The following SUGCT variants were observed in gnomAD, a reference collection of about 807,000 sequenced individuals.
SUGCT encodes succinyl-CoA:glutarate CoA-transferase.
Under a neutral mutation model 55.0 loss-of-function variants are expected in SUGCT, and 41 were observed. The observed-to-expected ratio is 0.74, with a 90% CI of 0.58 to 0.97. The LOEUF (loss-of-function observed/expected upper bound fraction) is 0.97, where lower values mean the gene tolerates loss of function less well. Among genes scored for constraint, SUGCT ranks in the 50% least tolerant of loss-of-function variants. SUGCT has a pLI of 0.00. For synonymous variants in SUGCT, 187 were observed against 200.4 expected (o/e 0.93, Z 0.56); for missense variants, 568 against 547.8 (o/e 1.04, Z -0.37).
intron 1 of SUGCT, among the ~76,000 whole-genome samples, chr7:40,135,477 C>A (rs1787631790): frequency 6.6e-6 from 1 of 152,232 alleles, no homozygotes; most frequent in Non-Finnish European, 1.5e-5. Flanking sequence ...AGGACTTTAG[C>A]CCGCTGCTTT....
chr7:40,149,530 C>G (rs1052346461), intron 1 of SUGCT, among the ~76,000 whole-genome samples: 5 of 152,044 alleles, frequency 3.3e-5, no homozygotes. Context: ...GGCTCATGCC[C>G]GTAATCCCAG....
intron 13 of SUGCT, among the ~76,000 whole-genome samples, chr7:40,839,370 G>C (rs2128787300): frequency 6.6e-6 from 1 of 152,166 alleles, no homozygotes; most frequent in East Asian, 1.9e-4. Context: ...AGCCTCCCAA[G>C]TAGCTGACAC....
chr7:40,539,451 T>C (rs1794554311), intron 12 of SUGCT: 1 of 152,144 alleles, frequency 6.6e-6, no homozygotes, highest in South Asian at 2.1e-4. Context: ...GTCCAGCACA[T>C]TCAGAAATGA....
chr7:40,881,963 CA>C, the SUGCT span, among the ~76,000 whole-genome samples: 1 of 152,178 alleles, frequency 6.6e-6, no homozygotes, highest in East Asian at 1.9e-4. Context: ...CTAAGGAAAT[CA>C]ACATTGGCTC....
rs1359899875 is a variant in SUGCT at position 40,161,861 on chromosome 7, C to T, written c.101-19086C>T. Among the ~76,000 whole-genome samples the T allele has an allele frequency of 2.6e-5, 4 of 151,984 alleles. No homozygotes were observed. In the East Asian group the frequency reaches 7.7e-4, roughly 29 times the overall value. On this transcript the variant is annotated intron_variant, in intron 1 of 13. Transcript: ENST00000335693. The stretch of plus-strand genomic sequence containing the variant: ...GATTTATAAAATCTATAAATTGGTA[C>T]CATTTTGTACCCTTCCACATACCAA...
chr7:40,498,871 C>T (rs1425562947), intron 12 of SUGCT: 1 of 350,764 alleles, frequency 2.9e-6, no homozygotes, highest in Admixed American at 3.8e-5. Flanking sequence ...TTAAGTTAAG[C>T]TTGCACTCTA....
Position 40,860,374 on chromosome 7 carries a change from C to G in SUGCT, c.1212C>G (p.Leu404=), listed in dbSNP as rs146063824. ...KMSEARPPPL[L]GQHTTHILKE... is the part of the protein sequence containing the mutation. The stretch of plus-strand genomic sequence containing the variant: ...CAGAGGCCAGGCCGCCCCCGCTGCT[C>G]GGGCAGCACACAACGCACATCCTGA... Residue 404 remains leucine, a synonymous_variant, in exon 14 of 14, where the codon CTC becomes CTG. Transcript: ENST00000335693. 21 of 1,613,872 alleles carry G rather than the reference C, an allele frequency of 1.3e-5. No homozygotes were observed. The highest frequency in any genetic ancestry group is 1.7e-6 in the Non-Finnish European group (2 of 1,179,872).
intron 1 of SUGCT, among the ~76,000 whole-genome samples, chr7:40,160,083 C>A (rs568395952): frequency 3.9e-5 from 6 of 152,220 alleles, no homozygotes; most frequent in Middle Eastern, 3.4e-3. Context: ...CTTGTTGGTC[C>A]TGTCATATGT....
At chr7:40,608,555 G>A (rs1222652461) in intron 12 of SUGCT, among the ~76,000 whole-genome samples, 1 of 152,144 alleles carries the variant, frequency 6.6e-6, no homozygotes, top group Admixed American at 6.5e-5. Flanking sequence ...TTACTATCAG[G>A]CATTACAAGG....
chr7:40,155,272 G>A (rs376729726), intron 1 of SUGCT, among the ~76,000 whole-genome samples: 1 of 147,866 alleles, frequency 6.8e-6, no homozygotes, highest in African/African-American at 2.6e-5. Flanking sequence ...GCAACAGGGC[G>A]AGACCCCATC....
At chr7:40,963,059 T>A in the SUGCT span, among the ~76,000 whole-genome samples, 2 of 152,162 alleles carry the variant, frequency 1.3e-5, no homozygotes, top group Admixed American at 6.5e-5. Flanking sequence ...AAAGAAACAT[T>A]ATTATGTTGC....
At chr7:40,658,900 T>C (rs1423543384) in intron 12 of SUGCT, among the ~76,000 whole-genome samples, 10 of 152,140 alleles carry the variant, frequency 6.6e-5, no homozygotes, top group Admixed American at 3.9e-4. Context: ...TACAGAAAAT[T>C]TCTTCTGTTC....
intron 7 of SUGCT, among the ~76,000 whole-genome samples, chr7:40,245,423 AT>A (rs1168316176): frequency 5.5e-4 from 30 of 54,402 alleles, no homozygotes; most frequent in African/African-American, 1.3e-3. Context: ...ATATATATAT[AT>A]TTTTTTTTTT....
chr7:40,622,709 T>C lies in SUGCT; in HGVS notation c.1089+126323T>C, dbSNP rs181699239. ...CACTTAATAGGATGTGTGTGTGTGT[T>C]TGTGTGTGTGTGTCTGTGTGTGTCT... On this transcript the variant is annotated intron_variant, in intron 12 of 13. Coordinates refer to ENST00000335693, the MANE Select transcript of SUGCT (RefSeq NM_001193313.2). Among the ~76,000 whole-genome samples, 448 of 146,736 alleles carry C rather than the reference T, an allele frequency of 3.1e-3. 4 individuals are homozygous for C. The highest frequency in any genetic ancestry group is 0.01 in the African/African-American group (411 of 40,950).
chr7:40,182,006 A>T lies in SUGCT; in HGVS notation c.204A>T (p.Glu68Asp), dbSNP rs756278450. ...ATMNLGDLGA[E>D]VIKVERPGAG... ...TGAATTTAGGAGATCTTGGAGCAGAAGTTATAAAAGTGGAGAGACCAGGTA... is the reference window on the plus strand; with the variant it reads ...TGAATTTAGGAGATCTTGGAGCAGATGTTATAAAAGTGGAGAGACCAGGTA... The change falls in exon 3 of 14, where the codon GAA (glutamate) becomes GAT (aspartate). Residue 68 changes from glutamate to aspartate, a missense_variant. By Grantham distance (45) the Glu-to-Asp change is conservative (BLOSUM62 2). Transcript: ENST00000335693. 1 of 1,600,122 alleles carries T rather than the reference A, an allele frequency of 6.2e-7. No homozygotes were observed. The highest frequency in any genetic ancestry group is 8.5e-7 in the Non-Finnish European group (1 of 1,171,148).
At chr7:41,019,051 G>A in the SUGCT span, among the ~76,000 whole-genome samples, 7 of 151,886 alleles carry the variant, frequency 4.6e-5, no homozygotes, top group Admixed American at 1.3e-4. Flanking sequence ...GATTACAGGC[G>A]CCTGCCACCA....
intron 13 of SUGCT, among the ~76,000 whole-genome samples, chr7:40,787,468 G>T (rs1314600435): frequency 2.1e-5 from 1 of 48,288 alleles, no homozygotes; most frequent in South Asian, 1.2e-3. Flanking sequence ...CAAGATCTCA[G>T]AGAAAAGTAA....
intron 13 of SUGCT, among the ~76,000 whole-genome samples, chr7:40,827,612 C>G (rs1792381305): frequency 6.6e-6 from 1 of 152,186 alleles, no homozygotes; most frequent in East Asian, 1.9e-4. Flanking sequence ...TGTTACTAAC[C>G]ACGAGGCTCA....
intron 13 of SUGCT, among the ~76,000 whole-genome samples, chr7:40,773,984 T>C (rs1789322669): frequency 6.6e-6 from 1 of 152,212 alleles, no homozygotes; most frequent in Non-Finnish European, 1.5e-5. Context: ...AGAGTGGAAA[T>C]GGATGCTATA....
Sources: gnomAD v4.1 joint callset for allele counts (sites outside exome capture counted in the v4.1 genomes callset) on GRCh38, gnomAD v4.1.1 for gene constraint, MANE v1.5 for transcripts, NCBI Gene and HGNC (gene_info 2026-07-23, HGNC 2026-07-21) for gene names.